Variants in ARRDC1 observed in about 807,000 individuals in gnomAD.
ARRDC1 encodes arrestin domain containing 1.
In ARRDC1, 37 loss-of-function variants were observed where a neutral mutation model predicts 40.1. That is an observed-to-expected ratio of 0.92 (90% CI 0.71 to 1.21). The LOEUF (loss-of-function observed/expected upper bound fraction) is 1.21, where lower values mean the gene tolerates loss of function less well. ARRDC1 is among the 50% of genes most tolerant of loss of function. The pLI, the probability that ARRDC1 is intolerant of heterozygous loss-of-function variation, is 0.00. For synonymous variants in ARRDC1, 310 were observed against 262.5 expected, an observed-to-expected ratio of 1.18 and a Z score of -1.75; for missense variants, 641 against 581.9, an observed-to-expected ratio of 1.10 and a Z score of -1.04.
Position 137,614,228 on chromosome 9 carries a change from C to T in ARRDC1, c.618+14C>T. Reference sequence around the variant, plus strand: ...AGTCTGCTGCAGGTCAGAGCCCCCGCCAGTTGCCTGGACCGGCCTCCTGGG... The same window carrying T: ...AGTCTGCTGCAGGTCAGAGCCCCCGTCAGTTGCCTGGACCGGCCTCCTGGG... On this transcript the variant is annotated intron_variant, in intron 5 of 7. Transcript: ENST00000371421. 6.3e-7 allele frequency: 1 copy of T among 1,583,036 alleles called. No homozygotes were observed. The highest frequency in any genetic ancestry group is 1.7e-5 in the Admixed American group (1 of 58,160).
intron 1 of ARRDC1, among the ~76,000 whole-genome samples, chr9:137,609,765 A>G (rs1842481334): frequency 6.6e-6 from 1 of 151,632 alleles, no homozygotes; most frequent in South Asian, 2.1e-4. Flanking sequence ...GCCTCAAGCA[A>G]TCCGCTCGCC....
rs138784661 is a variant in ARRDC1 at position 137,614,575 on chromosome 9, C to T, written c.812C>T (p.Pro271Leu). 6 of 1,612,908 alleles carry T rather than the reference C, an allele frequency of 3.7e-6. No individual in the cohort carries two copies. The Admixed American group carries it at 5.0e-5, about 13-fold the overall frequency. Residue 271 changes from proline (P) to leucine (L), a missense_variant, in exon 7 of 8, where the codon CCG becomes CTG. By Grantham distance (98) the Pro-to-Leu change is moderately conservative. Transcript: ENST00000371421. ...CCTGTCCAGGTCTCTCTGAAGGCGC[C>T]GGAAGCTACTGTGACCCTCCCGGTC... is the stretch of plus-strand genomic sequence containing the variant. ...DYYLQVSLKA[P>L]EATVTLPVFI...
chr9:137,608,274 C>T (rs1588984377), intron 1 of ARRDC1, among the ~76,000 whole-genome samples: 1 of 152,348 alleles, frequency 6.6e-6, no homozygotes. Flanking sequence ...AGCCACCGTG[C>T]CTGGCCAGGA....
rs765783709 is a variant in ARRDC1 at position 137,614,332 on chromosome 9, G to A, written c.652G>A (p.Asp218Asn). ...CTATAAGGCCAAGCGCTGGATCCAC[G>A]ACGTACGGACCATTGCGGAGGTGGA... ...VSYKAKRWIH[D>N]VRTIAEVEGA... The change falls in exon 6 of 8, where the codon GAC (aspartate) becomes AAC (asparagine). Residue 218 changes from aspartate to asparagine, a missense_variant. Coordinates refer to ENST00000371421, the MANE Select transcript of ARRDC1 (RefSeq NM_152285.4). 1.4e-5 allele frequency: 22 copies of A among 1,610,580 alleles called. No individual in the cohort carries two copies. The highest frequency in any genetic ancestry group is 1.6e-5 in the Non-Finnish European group (19 of 1,178,396).
intron 1 of ARRDC1, among the ~76,000 whole-genome samples, chr9:137,611,182 G>C (rs1842509391): frequency 6.6e-6 from 1 of 152,214 alleles, no homozygotes; most frequent in Admixed American, 6.5e-5. Flanking sequence ...GATTACTGGT[G>C]TTCCGGATTT....
rs778393222 is a variant in ARRDC1 at position 137,612,923 on chromosome 9, G to A, written c.146G>A (p.Cys49Tyr). 5.0e-6 allele frequency: 8 copies of A among 1,613,984 alleles called. No individual in the cohort carries two copies. The highest frequency in any genetic ancestry group is 6.8e-6 in the Non-Finnish European group (8 of 1,179,978). ...RAIRVTCIGS[C>Y]GVSNKANDTA... ...ATCCGGGTGACCTGCATAGGTTCCT[G>A]CGGGGTCTCCAACAAGGCTAATGAC... The change falls in exon 2 of 8, where the codon TGC becomes TAC. Residue 49 changes from cysteine (C) to tyrosine (Y), a missense_variant. Cys to Tyr is a radical substitution (Grantham distance 194). Transcript: ENST00000371421.
At chr9:137,612,656 T>TTG in intron 1 of ARRDC1, 1 of 473,856 alleles carries the variant, frequency 2.1e-6, no homozygotes, top group East Asian at 4.0e-5. Flanking sequence ...CTGCTCTGGA[T>TTG]TGCAGGGCAG....
chr9:137,613,545 C>T (rs758331991), intron 3 of ARRDC1, 35 bp downstream of exon 3: 12 of 1,613,874 alleles, frequency 7.4e-6, no homozygotes, highest in African/African-American at 1.3e-5. Context: ...TGGTGATGAC[C>T]AACTGGTCCT....
In ARRDC1 at chr9:137,605,809, G is replaced by C. The variant is rs1225604025; in HGVS notation, c.92G>C (p.Arg31Pro). 7.8e-7 allele frequency: 1 copy of C among 1,283,754 alleles called. No homozygotes were observed. 79.5% of individuals were successfully genotyped at this position (1,283,754 alleles called of 1,614,324 possible). ...CCGTTGGCTGGGACCGTGCGCGTGC[G>C]CCTGGGGGCACCGCTGCCGTTCCGA... ...GEPLAGTVRV[R>P]LGAPLPFRAI... The change falls in exon 1 of 8, where the codon CGC (arginine) becomes CCC (proline). Residue 31 changes from arginine to proline, a missense_variant. Physicochemically the swap from Arg to Pro is moderately radical, Grantham distance 103 (BLOSUM62 -2). Coordinates refer to ENST00000371421, the MANE Select transcript of ARRDC1 (RefSeq NM_152285.4).
At position 137,614,292 on chromosome 9, in the gene ARRDC1, T is replaced by TC. The variant is rs1392567778; in HGVS notation, c.619-3dup. The TC allele has an allele frequency of 6.3e-7, 1 of 1,586,142 alleles. No individual in the cohort carries two copies. The highest frequency in any genetic ancestry group is 8.6e-7 in the Non-Finnish European group (1 of 1,164,092). On this transcript the variant is annotated splice_region_variant and splice_polypyrimidine_tract_variant and intron_variant, in intron 5 of 7. Coordinates refer to ENST00000371421, the MANE Select transcript of ARRDC1 (RefSeq NM_152285.4). ...CTGCGCAGGCTCACAGGCTGGTCCT[T>TC]CCCCAGAAAGTGTCCTATAAGGCCA...
intron 2 of ARRDC1, 79 bp downstream of exon 2, chr9:137,613,085 CCT>C (rs1564501965): frequency 9.1e-7 from 1 of 1,100,564 alleles, no homozygotes; most frequent in Admixed American, 2.0e-5. Flanking sequence ...CTGTCCTCCC[CCT>C]TTCCTAGATC....
chr9:137,613,696 C>T lies in ARRDC1; in HGVS notation c.362C>T (p.Ser121Phe). Reference protein sequence around the residue: ...VRAAIHTPRFSKDHKCSLVFY... With the variant: ...VRAAIHTPRFFKDHKCSLVFY... ...GCCGCCATCCACACGCCACGGTTTTCCAAGGATCACAAGTGCAGCCTCGTG... is the reference window on the plus strand; with the variant it reads ...GCCGCCATCCACACGCCACGGTTTTTCAAGGATCACAAGTGCAGCCTCGTG... The change falls in exon 4 of 8, where the codon TCC (serine) becomes TTC (phenylalanine). Residue 121 changes from serine to phenylalanine, a missense_variant. Ser to Phe is a radical substitution (Grantham distance 155). Coordinates refer to ENST00000371421, the MANE Select transcript of ARRDC1 (RefSeq NM_152285.4). 1.9e-6 allele frequency: 3 copies of T among 1,614,210 alleles called. No individual in the cohort carries two copies. The highest frequency in any genetic ancestry group is 2.5e-6 in the Non-Finnish European group (3 of 1,180,040).
intron 4 of ARRDC1, 38 bp downstream of exon 4, chr9:137,613,807 C>T (rs1310530065): frequency 2.5e-6 from 4 of 1,609,030 alleles, no homozygotes; most frequent in South Asian, 2.2e-5. Context: ...TGGGTCCCCA[C>T]CCTCATGGAG....
At position 137,612,875 on chromosome 9, in the gene ARRDC1, A is replaced by ATGCAGCCATCCCCTT. The variant is rs748152832; in HGVS notation, c.119-9_124dup. The ATGCAGCCATCCCCTT allele has an allele frequency of 5.0e-6, 8 of 1,596,784 alleles. No homozygotes were observed. In the African/African-American group the frequency reaches 5.4e-5, roughly 11 times the overall value. On this transcript the variant is annotated intron_variant, in intron 1 of 7. Coordinates refer to ENST00000371421, the MANE Select transcript of ARRDC1 (RefSeq NM_152285.4). ...CTGGGCCGTCGGCTGGCTGGGGCTC[A>ATGCAGCCATCCCCTT]TGCAGCCATCCCCTTTGCAGCCATC...
Position 137,614,335 on chromosome 9 carries a change from G to T in ARRDC1, c.655G>T (p.Val219Leu). 1.2e-6 allele frequency: 2 copies of T among 1,611,604 alleles called. No individual in the cohort carries two copies. The highest frequency in any genetic ancestry group is 1.7e-6 in the Non-Finnish European group (2 of 1,178,854). Reference protein sequence around the residue: ...SYKAKRWIHDVRTIAEVEGAG... With the variant: ...SYKAKRWIHDLRTIAEVEGAG... ...TAAGGCCAAGCGCTGGATCCACGAC[G>T]TACGGACCATTGCGGAGGTGGAGGG... The change falls in exon 6 of 8, where the codon GTA becomes TTA. Residue 219 changes from valine to leucine, a missense_variant. Val to Leu is a conservative substitution (Grantham distance 32). Transcript: ENST00000371421.
intron 1 of ARRDC1, 113 bp from the exon 2 acceptor site, chr9:137,612,783 C>A: frequency 1.3e-6 from 1 of 764,036 alleles, no homozygotes; most frequent in East Asian, 2.7e-5. Context: ...CTGGCCTTCC[C>A]AGGACCCTGC....
At chr9:137,610,338 G>C (rs1287000075) in intron 1 of ARRDC1, among the ~76,000 whole-genome samples, 1 of 152,176 alleles carries the variant, frequency 6.6e-6, no homozygotes. Context: ...GCTGGCATAC[G>C]GGTTAGTCTG....
intron 1 of ARRDC1, among the ~76,000 whole-genome samples, chr9:137,607,694 G>C (rs1842447356): frequency 6.6e-6 from 1 of 152,346 alleles, no homozygotes. Flanking sequence ...TCATGATACA[G>C]ATTTGGAAAC....
rs1241155597 is a variant in ARRDC1 at position 137,614,169 on chromosome 9, C to T, written c.573C>T (p.Asn191=). The part of the protein sequence containing the change: ...QALQLHADVE[N]QSGKDTSPVV... ...TGCAGCTGCATGCCGACGTTGAGAA[C>T]CAGTCAGGCAAGGACACCAGCCCTG... The change falls in exon 5 of 8, where the codon AAC becomes AAT. Residue 191 remains asparagine, a synonymous_variant. Coordinates refer to ENST00000371421, the MANE Select transcript of ARRDC1 (RefSeq NM_152285.4). 2 of 1,611,580 alleles carry T rather than the reference C, an allele frequency of 1.2e-6. No homozygotes were observed. The highest frequency in any genetic ancestry group is 1.3e-5 in the African/African-American group (1 of 75,032).
Sources: allele counts gnomAD v4.1 joint callset (sites outside exome capture counted in the v4.1 genomes callset), GRCh38; gene constraint gnomAD v4.1.1; transcripts MANE v1.5; gene names NCBI Gene and HGNC (gene_info 2026-07-23, HGNC 2026-07-21).